The following YARS1 variants were observed in gnomAD, a reference collection of about 807,000 sequenced individuals.
YARS1 encodes tyrosyl-tRNA synthetase 1, also known as tyrosine--tRNA ligase, cytoplasmic.
In YARS1, 36 loss-of-function variants were observed where a neutral mutation model predicts 62.2. That is an observed-to-expected ratio of 0.58 (90% CI 0.44 to 0.76). The LOEUF is 0.76. YARS1 is among the 30% of genes least tolerant of loss of function. The pLI is 0.00. For missense variants in YARS1, 524 were observed against 639.8 expected (o/e 0.82, Z 1.95); for synonymous variants, 234 against 244.9 (o/e 0.96, Z 0.42).
At chr1:32,799,607 C>T (rs770484951) in intron 4 of YARS1, among the ~76,000 whole-genome samples, 11 of 152,172 alleles carry the variant, frequency 7.2e-5, no homozygotes, top group Non-Finnish European at 1.3e-4. Flanking sequence ...CAGGAACAGT[C>T]TAGAACAGCA....
intron 3 of YARS1, among the ~76,000 whole-genome samples, chr1:32,807,652 T>A (rs991034558): frequency 2.6e-5 from 4 of 151,982 alleles, no homozygotes; most frequent in African/African-American, 9.7e-5. Context: ...GAGACGTGGT[T>A]TCCCCCCATT....
intron 6 of YARS1, among the ~76,000 whole-genome samples, chr1:32,790,396 C>T (rs1233732293): frequency 6.7e-6 from 1 of 149,366 alleles, no homozygotes; most frequent in Non-Finnish European, 1.5e-5. Context: ...GCCTGTAGTC[C>T]CAGCTACTCT....
intron 1 of YARS1, among the ~76,000 whole-genome samples, chr1:32,814,113 C>T (rs983120221): frequency 2.6e-5 from 4 of 152,138 alleles, no homozygotes; most frequent in African/African-American, 9.7e-5. Flanking sequence ...TGTTATCAAC[C>T]CAATCATTCA....
intron 4 of YARS1, among the ~76,000 whole-genome samples, chr1:32,799,112 A>C (rs755330930): frequency 6.6e-6 from 1 of 152,212 alleles, no homozygotes; most frequent in Non-Finnish European, 1.5e-5. Context: ...ATTGTGGGCT[A>C]AGCTTGGTTT....
At chr1:32,797,593 G>A (rs899839954) in intron 5 of YARS1, 170 bp downstream of exon 5, 8 of 663,680 alleles carry the variant, frequency 1.2e-5, no homozygotes, top group African/African-American at 9.0e-5. Context: ...GTTACTAACT[G>A]TGTGATATTG....
intron 5 of YARS1, among the ~76,000 whole-genome samples, chr1:32,796,955 A>G (rs1475425389): frequency 5.1e-5 from 5 of 98,868 alleles, no homozygotes; most frequent in Admixed American, 3.5e-4. Flanking sequence ...ACAATAGCGA[A>G]ACTCAGTCTC....
intron 3 of YARS1, 35 bp downstream of exon 3, chr1:32,810,556 A>G (rs751857782): frequency 6.2e-7 from 1 of 1,612,108 alleles, no homozygotes; most frequent in Non-Finnish European, 8.5e-7. Flanking sequence ...TAGAAGCACC[A>G]GAGCCACAAG....
In YARS1 at chr1:32,785,996, G is replaced by A. The variant is rs569847384; in HGVS notation, c.906+366C>T. Among the ~76,000 whole-genome samples the A allele has an allele frequency of 2.0e-5, 3 of 151,854 alleles. 1 individual carries two copies. Among genetic ancestry groups the A allele is most frequent in the African/African-American group, 4.8e-5 (2 of 41,362 alleles). On this transcript the variant is annotated intron_variant, in intron 8 of 12. Transcript: ENST00000373477. ...AAGAAGTATGGTTTCTACTGAATGAGTACTGCTTTTGTACATCCTAAAGGG... is the reference window on the plus strand; with the variant it reads ...AAGAAGTATGGTTTCTACTGAATGAATACTGCTTTTGTACATCCTAAAGGG...
chr1:32,786,748 A>G (rs1653240795), intron 7 of YARS1, 192 bp downstream of exon 7: 1 of 859,620 alleles, frequency 1.2e-6, no homozygotes, highest in Admixed American at 2.7e-5. Flanking sequence ...CTCAGAACCT[A>G]GCCTGGTAAC....
At chr1:32,794,087 C>G (rs368875051) in intron 5 of YARS1, among the ~76,000 whole-genome samples, 8 of 152,290 alleles carry the variant, frequency 5.3e-5, no homozygotes, top group African/African-American at 1.9e-4. Context: ...CAGTGGCTTA[C>G]GCCTGTAATC....
At chr1:32,781,988 T>TC (rs1405154784) in intron 9 of YARS1, 2 of 179,918 alleles carry the variant, frequency 1.1e-5, no homozygotes, top group Non-Finnish European at 2.4e-5. Flanking sequence ...TAATTTTTTT[T>TC]TTTTTTTTTT....
At chr1:32,781,189 G>T in intron 9 of YARS1, 44 bp from the exon 10 acceptor site, 1 of 1,513,160 alleles carries the variant, frequency 6.6e-7, no homozygotes, top group Non-Finnish European at 9.2e-7. Flanking sequence ...CTTCCCTGTG[G>T]CAGGTCAGCT....
In YARS1 at chr1:32,781,093, T is replaced by C. The variant is rs2148600495; in HGVS notation, c.1095A>G (p.Pro365=). ...TCCCCACACGGATATCCAGCCGGGA[T>C]GGGATGACCTCCTCTGGTTCTGAAT... The part of the protein sequence containing the change: ...AKNSEPEEVI[P]SRLDIRVGKI... The change falls in exon 10 of 13, where the codon CCA becomes CCG. Residue 365 remains proline, a synonymous_variant. Coordinates refer to ENST00000373477, the MANE Select transcript of YARS1 (RefSeq NM_003680.4). The C allele has an allele frequency of 1.2e-6, 2 of 1,614,230 alleles. No homozygotes were observed. The highest frequency in any genetic ancestry group is 1.7e-6 in the Non-Finnish European group (2 of 1,180,046).
chr1:32,779,253 G>A, intron 12 of YARS1, 129 bp downstream of exon 12: 1 of 1,478,794 alleles, frequency 6.8e-7, no homozygotes, highest in Non-Finnish European at 9.4e-7. Context: ...CTGGAAAGAA[G>A]GAGGGAGAGA....
intron 1 of YARS1, 196 bp from the exon 2 acceptor site, chr1:32,811,253 G>A: frequency 1.2e-6 from 1 of 833,534 alleles, no homozygotes; most frequent in Non-Finnish European, 1.9e-6. Context: ...TTAGCTGAGA[G>A]AGCCAGACAA....
At chr1:32,791,124 T>G (rs911518531) in intron 6 of YARS1, 38 bp downstream of exon 6, 44 of 1,568,772 alleles carry the variant, frequency 2.8e-5, no homozygotes, top group Non-Finnish European at 3.4e-5. Flanking sequence ...CCATTGAGGC[T>G]GAAGATTTCT....
chr1:32,816,437 A>C (rs556349749), intron 1 of YARS1, among the ~76,000 whole-genome samples: 1 of 152,228 alleles, frequency 6.6e-6, no homozygotes, highest in Non-Finnish European at 1.5e-5. Flanking sequence ...TTCTGGTGCC[A>C]GAGGGTTTGT....
intron 4 of YARS1, among the ~76,000 whole-genome samples, chr1:32,803,374 T>G (rs1279495792): frequency 6.6e-6 from 1 of 151,076 alleles, no homozygotes; most frequent in Non-Finnish European, 1.5e-5. Flanking sequence ...TCAAGTGATT[T>G]GCTCACCTCG....
intron 10 of YARS1, chr1:32,780,512 T>A (rs1449729101): frequency 8.7e-6 from 5 of 571,996 alleles, no homozygotes; most frequent in Non-Finnish European, 1.6e-5. Flanking sequence ...ATGCTTGTGT[T>A]AAGAGGTGGA....
Sources: gnomAD v4.1 joint callset for allele counts (sites outside exome capture counted in the v4.1 genomes callset) on GRCh38, gnomAD v4.1.1 for gene constraint, MANE v1.5 for transcripts, NCBI Gene and HGNC (gene_info 2026-07-23, HGNC 2026-07-21) for gene names.